Variants in FKBP9 observed in about 807,000 individuals in gnomAD.
FKBP9 encodes peptidyl-prolyl cis-trans isomerase FKBP9.
In FKBP9, 27 loss-of-function variants were observed where a neutral mutation model predicts 55.6. That is an observed-to-expected ratio of 0.49 (90% CI 0.36 to 0.67). The LOEUF is 0.67. Ranked by LOEUF, FKBP9 falls within the 30% of genes least tolerant of loss-of-function variation. The pLI is 0.00. For synonymous variants in FKBP9, 267 were observed against 296.5 expected, an observed-to-expected ratio of 0.90 and a Z score of 1.02; for missense variants, 539 against 742.8, an observed-to-expected ratio of 0.73 and a Z score of 3.19.
At chr7:32,988,414 C>T in intron 5 of FKBP9, 93 bp from the exon 6 acceptor site, 2 of 1,308,372 alleles carry the variant, frequency 1.5e-6, no homozygotes, top group Admixed American at 3.6e-5. Flanking sequence ...CTGGAGGCCT[C>T]TGTGTGCCTT....
At chr7:33,000,906 G>A (rs371022390) in intron 8 of FKBP9, among the ~76,000 whole-genome samples, 1 of 151,810 alleles carries the variant, frequency 6.6e-6, no homozygotes, top group Non-Finnish European at 1.5e-5. Flanking sequence ...TCAGTCTCCC[G>A]AGTAGCTGGG....
intron 1 of FKBP9, among the ~76,000 whole-genome samples, chr7:32,959,584 C>T (rs978481388): frequency 1.3e-5 from 2 of 152,116 alleles, no homozygotes; most frequent in East Asian, 1.9e-4. Context: ...AAAAAAGAAA[C>T]GCTGGACCCA....
chr7:32,983,978 T>A (rs1479646569), intron 5 of FKBP9, among the ~76,000 whole-genome samples: 2 of 152,228 alleles, frequency 1.3e-5, no homozygotes, highest in African/African-American at 4.8e-5. Flanking sequence ...CTGCATATTA[T>A]TAAAAACATT....
chr7:32,998,708 G>C (rs1474755785), intron 7 of FKBP9: 4 of 152,210 alleles, frequency 2.6e-5, no homozygotes, highest in Non-Finnish European at 5.9e-5. Context: ...TAAGGCAGCA[G>C]CTGCTGCCTA....
chr7:32,957,774 C>A lies in FKBP9; in HGVS notation c.201C>A (p.Asp67Glu). 1 of 1,459,274 alleles carries A rather than the reference C, an allele frequency of 6.9e-7. No homozygotes were observed. The highest frequency in any genetic ancestry group is 2.7e-5 in the East Asian group (1 of 36,420). 90.4% of individuals were successfully genotyped at this position (1,459,274 alleles called of 1,614,324 possible). The change falls in exon 1 of 10, where the codon GAC becomes GAA. Residue 67 changes from aspartate to glutamate, a missense_variant. By Grantham distance (45) the Asp-to-Glu change is conservative. Coordinates refer to ENST00000242209, the MANE Select transcript of FKBP9 (RefSeq NM_007270.5). The stretch of plus-strand genomic sequence containing the variant: ...ACCACTACGTGGGGACGTTCCCCGA[C>A]GGCCAGAAGTTCGACTCCAGGTACC... Reference protein sequence around the residue: ...VRYHYVGTFPDGQKFDSSYDR... With the variant: ...VRYHYVGTFPEGQKFDSSYDR...
intron 5 of FKBP9, among the ~76,000 whole-genome samples, chr7:32,985,177 TC>T (rs1404672406): frequency 0.026 from 3,280 of 124,854 alleles, 117 homozygotes; most frequent in African/African-American, 0.086. Flanking sequence ...TTTCTTTCTT[TC>T]TTTTTTTTTT....
rs1583862160 is a variant in FKBP9 at position 32,988,602 on chromosome 7, A to C, written c.989A>C (p.Lys330Thr). The change falls in exon 6 of 10, where the codon AAG becomes ACG. Residue 330 changes from lysine to threonine, a missense_variant. Coordinates refer to ENST00000242209, the MANE Select transcript of FKBP9 (RefSeq NM_007270.5). Reference sequence around the variant, plus strand: ...CTACTTGGTGTTTGCATTGGAGAAAAGCGAAGGATTGTGGTCCCGCCTCAC... The same window carrying C: ...CTACTTGGTGTTTGCATTGGAGAAACGCGAAGGATTGTGGTCCCGCCTCAC... ...EGLLGVCIGEKRRIVVPPHLG... is the reference protein window; with the variant it reads ...EGLLGVCIGETRRIVVPPHLG... The C allele has an allele frequency of 6.2e-7, 1 of 1,613,984 alleles. No individual in the cohort carries two copies. Among genetic ancestry groups the C allele is most frequent in the East Asian group, 2.2e-5 (1 of 44,878 alleles).
At chr7:32,973,982 G>A (rs1251502775) in intron 1 of FKBP9, among the ~76,000 whole-genome samples, 1 of 151,688 alleles carries the variant, frequency 6.6e-6, no homozygotes, top group East Asian at 1.9e-4. Context: ...GTGAGCCACT[G>A]CACCTGGCTG....
intron 5 of FKBP9, among the ~76,000 whole-genome samples, chr7:32,981,190 T>C (rs1784469807): frequency 6.6e-6 from 1 of 151,740 alleles, no homozygotes; most frequent in African/African-American, 2.4e-5. Context: ...CTGTATGACT[T>C]TGGATAGTGT....
chr7:32,967,953 C>G (rs1198025483), intron 1 of FKBP9, among the ~76,000 whole-genome samples: 6 of 152,180 alleles, frequency 3.9e-5, no homozygotes, highest in Non-Finnish European at 8.8e-5. Flanking sequence ...CAGGGTTTCT[C>G]CGTGTTGGTC....
At chr7:32,960,183 G>A (rs1405512641) in intron 1 of FKBP9, among the ~76,000 whole-genome samples, 1 of 139,126 alleles carries the variant, frequency 7.2e-6, no homozygotes, top group African/African-American at 2.7e-5. Context: ...TGCGATCACA[G>A]CTCACTGCAA....
In FKBP9 at chr7:32,961,464, G is replaced by C. The variant is rs149419106; in HGVS notation, c.221+3670G>C. ...GACAAGTTCCCAGCTGATGCTACTG[G>C]TCTGAGGACCACACTTTGAGAACCA... is the stretch of plus-strand genomic sequence containing the variant. On this transcript the variant is annotated intron_variant, in intron 1 of 9. Transcript: ENST00000242209. Among the ~76,000 whole-genome samples, 1,432 of 152,242 alleles carry C rather than the reference G, an allele frequency of 9.4e-3. 26 individuals carry two copies. The highest frequency in any genetic ancestry group is 0.032 in the African/African-American group (1,348 of 41,518).
At chr7:32,980,859 T>G (rs1343083338) in intron 5 of FKBP9, among the ~76,000 whole-genome samples, 3 of 151,910 alleles carry the variant, frequency 2.0e-5, no homozygotes, top group Non-Finnish European at 1.5e-5. Context: ...CTCAGCCTCC[T>G]TAGTAGCTAG....
At chr7:32,986,778 C>T (rs1189732616) in intron 5 of FKBP9, among the ~76,000 whole-genome samples, 1 of 152,222 alleles carries the variant, frequency 6.6e-6, no homozygotes, top group African/African-American at 2.4e-5. Context: ...TCCTTCTTCT[C>T]CGGGGCATCA....
At chr7:32,965,121 A>C (rs1366106607) in intron 1 of FKBP9, among the ~76,000 whole-genome samples, 2 of 152,134 alleles carry the variant, frequency 1.3e-5, no homozygotes, top group Non-Finnish European at 2.9e-5. Context: ...ATGGGTTCTC[A>C]AAATATGGCA....
Position 32,988,664 on chromosome 7 carries a change from C to T in FKBP9, c.1039+12C>T. ...AGAGGAAGGAAGAGGTGAGCATCAG[C>T]ATCACCTGCCTTCCTCACTAGCTGT... On this transcript the variant is annotated intron_variant, in intron 6 of 9. Transcript: ENST00000242209. 1 of 1,613,064 alleles carries T rather than the reference C, an allele frequency of 6.2e-7. No individual in the cohort carries two copies.
chr7:32,975,574 G>C (rs933662489), intron 3 of FKBP9, among the ~76,000 whole-genome samples: 1 of 151,996 alleles, frequency 6.6e-6, no homozygotes, highest in African/African-American at 2.4e-5. Context: ...ATACATCTTA[G>C]AAACATTGAA....
intron 5 of FKBP9, among the ~76,000 whole-genome samples, chr7:32,981,407 G>A (rs112672920): frequency 8.5e-5 from 13 of 152,254 alleles, no homozygotes; most frequent in African/African-American, 2.9e-4. Flanking sequence ...TCAAAGTTTT[G>A]TTTTGTTTAT....
chr7:32,975,469 TA>T, intron 3 of FKBP9, 98 bp downstream of exon 3: 1 of 945,502 alleles, frequency 1.1e-6, no homozygotes, highest in East Asian at 2.5e-5. Flanking sequence ...GATACCAGAA[TA>T]AGGACTCTTC....
Sources: gnomAD v4.1 joint callset for allele counts (sites outside exome capture counted in the v4.1 genomes callset) on GRCh38, gnomAD v4.1.1 for gene constraint, MANE v1.5 for transcripts, NCBI Gene and HGNC (gene_info 2026-07-23, HGNC 2026-07-21) for gene names.